The following PPP2R5A variants were observed in gnomAD, a reference collection of about 807,000 sequenced individuals.
PPP2R5A encodes serine/threonine-protein phosphatase 2A 56 kDa regulatory subunit alpha isoform.
In PPP2R5A, 25 loss-of-function variants were observed where a neutral mutation model predicts 64.2. The observed-to-expected ratio is 0.39, with a 90% CI of 0.28 to 0.54. PPP2R5A has a LOEUF of 0.54. Among genes scored for constraint, PPP2R5A ranks in the 20% least tolerant of loss-of-function variants. The pLI is 0.67. For missense variants in PPP2R5A, 425 were observed against 576.3 expected, an observed-to-expected ratio of 0.74 and a Z score of 2.69; for synonymous variants, 198 against 201.2, an observed-to-expected ratio of 0.98 and a Z score of 0.13.
intron 1 of PPP2R5A, among the ~76,000 whole-genome samples, chr1:212,291,928 TAAG>T (rs777018306): frequency 2.0e-5 from 3 of 152,338 alleles, no homozygotes; most frequent in Middle Eastern, 3.4e-3. Flanking sequence ...TTCAGGATAA[TAAG>T]TAATGATTTC....
intron 1 of PPP2R5A, among the ~76,000 whole-genome samples, chr1:212,321,235 A>G (rs1478130351): frequency 3.1e-5 from 4 of 129,274 alleles, no homozygotes; most frequent in Admixed American, 7.4e-5. Context: ...CTGGCCGGGC[A>G]GAGGGGCTCC....
chr1:212,347,290 T>A, intron 5 of PPP2R5A, 57 bp from the exon 6 acceptor site: 1 of 1,250,178 alleles, frequency 8.0e-7, no homozygotes, highest in Non-Finnish European at 1.2e-6. Context: ...CCTGCCTGTT[T>A]CTCTTAGTTT....
chr1:212,352,236 C>T (rs1337792250), intron 8 of PPP2R5A, among the ~76,000 whole-genome samples: 1 of 151,628 alleles, frequency 6.6e-6, no homozygotes, highest in African/African-American at 2.4e-5. Flanking sequence ...ATCATGTTGC[C>T]CAGGCTGGTC....
At chr1:212,341,867 A>G (rs931700880) in intron 3 of PPP2R5A, among the ~76,000 whole-genome samples, 27 of 152,018 alleles carry the variant, frequency 1.8e-4, no homozygotes. Context: ...GCCTCCCAGT[A>G]GCTGGGACAA....
At chr1:212,293,042 C>T (rs918850248) in intron 1 of PPP2R5A, among the ~76,000 whole-genome samples, 1 of 152,160 alleles carries the variant, frequency 6.6e-6, no homozygotes, top group Non-Finnish European at 1.5e-5. Flanking sequence ...AAAACCATGG[C>T]TTCAGGATGC....
At chr1:212,301,812 C>T (rs1175610782) in intron 1 of PPP2R5A, 31 of 1,177,732 alleles carry the variant, frequency 2.6e-5, no homozygotes, top group Non-Finnish European at 3.2e-5. Flanking sequence ...TGCTATGATA[C>T]AGTGCTTGTT....
At chr1:212,360,440 G>C (rs994459772) in intron 12 of PPP2R5A, among the ~76,000 whole-genome samples, 198 bp from the exon 13 acceptor site, 1 of 152,232 alleles carries the variant, frequency 6.6e-6, no homozygotes, top group Non-Finnish European at 1.5e-5. Context: ...AGCTGGTACA[G>C]GAGATGCACA....
At chr1:212,357,309 A>G in intron 11 of PPP2R5A, 25 bp downstream of exon 11, 3 of 1,450,642 alleles carry the variant, frequency 2.1e-6, no homozygotes, top group Non-Finnish European at 2.7e-6. Flanking sequence ...TATAGGTCGT[A>G]TTTTTTTCTT....
At chr1:212,323,181 A>G (rs1407526624) in intron 1 of PPP2R5A, among the ~76,000 whole-genome samples, 2 of 152,204 alleles carry the variant, frequency 1.3e-5, no homozygotes, top group Non-Finnish European at 2.9e-5. Context: ...GTCAGTATAT[A>G]TGTGGTAAAT....
chr1:212,319,621 T>TC (rs1553274862), intron 1 of PPP2R5A: 1 of 132,528 alleles, frequency 7.5e-6, no homozygotes, highest in African/African-American at 2.9e-5. Flanking sequence ...TTCTTTTCTT[T>TC]TTTTTTTTTT....
intron 8 of PPP2R5A, 37 bp from the exon 9 acceptor site, chr1:212,356,589 G>A: frequency 6.3e-7 from 1 of 1,593,606 alleles, no homozygotes; most frequent in Admixed American, 1.8e-5. Context: ...AACTAGCTTT[G>A]TTATTAAATT....
rs1221955101 is a variant in PPP2R5A, at chr1:212,286,286, T to C, written c.176T>C (p.Leu59Pro). ...SQAELHPLPQ[L>P]KDATSNEQQE... is the part of the protein sequence containing the mutation. ...GCAGAGCTGCACCCGCTGCCCCAGCTCAAAGGTAACCTCCGAGGGCGCAGC... is the reference window on the plus strand; with the variant it reads ...GCAGAGCTGCACCCGCTGCCCCAGCCCAAAGGTAACCTCCGAGGGCGCAGC... The change falls in exon 1 of 13, where the codon CTC becomes CCC. Residue 59 changes from leucine to proline, a missense_variant. By Grantham distance (98) the Leu-to-Pro change is moderately conservative. Around this residue, in one of 4 missense-constraint regions of PPP2R5A, gnomAD observed 104 missense variants for 95.7 expected, o/e 1.09. Coordinates refer to ENST00000261461, the MANE Select transcript of PPP2R5A (RefSeq NM_006243.4). 1 of 1,517,626 alleles carries C rather than the reference T, an allele frequency of 6.6e-7. No individual in the cohort carries two copies. Among genetic ancestry groups the C allele is most frequent in the Non-Finnish European group, 8.8e-7 (1 of 1,133,780 alleles). The allele number at this position is 1,517,626 out of a possible 1,614,324, so 94.0% of individuals were successfully genotyped here.
At chr1:212,355,929 G>A (rs1001328789) in intron 8 of PPP2R5A, among the ~76,000 whole-genome samples, 1 of 151,984 alleles carries the variant, frequency 6.6e-6, no homozygotes, top group Non-Finnish European at 1.5e-5. Context: ...GCTGGGTGTG[G>A]TGGTGGGCGC....
At chr1:212,326,232 C>T (rs898655405) in intron 1 of PPP2R5A, among the ~76,000 whole-genome samples, 2 of 148,708 alleles carry the variant, frequency 1.3e-5, no homozygotes, top group African/African-American at 2.5e-5. Context: ...AAAATAGTTG[C>T]AAATTCAATG....
chr1:212,351,957 TTTA>T (rs1344686052), intron 8 of PPP2R5A, among the ~76,000 whole-genome samples: 2 of 142,584 alleles, frequency 1.4e-5, no homozygotes, highest in Non-Finnish European at 3.2e-5. Flanking sequence ...AAATAATTTT[TTTA>T]TTTTTCTTTT....
At chr1:212,319,043 C>G (rs1186379300) in intron 1 of PPP2R5A, among the ~76,000 whole-genome samples, 1 of 152,176 alleles carries the variant, frequency 6.6e-6, no homozygotes, top group Non-Finnish European at 1.5e-5. Context: ...ATACTCATCT[C>G]TTATTTACTC....
chr1:212,325,222 A>G (rs1659385441), intron 1 of PPP2R5A, among the ~76,000 whole-genome samples: 1 of 152,210 alleles, frequency 6.6e-6, no homozygotes, highest in African/African-American at 2.4e-5. Flanking sequence ...GTACTCAAAT[A>G]CGTAATTGAA....
intron 1 of PPP2R5A, among the ~76,000 whole-genome samples, chr1:212,292,755 A>G (rs928685259): frequency 6.6e-6 from 1 of 152,082 alleles, no homozygotes; most frequent in Non-Finnish European, 1.5e-5. Flanking sequence ...TGTACAGACA[A>G]GTTCTCGCTA....
chr1:212,304,268 G>A (rs1661173802), intron 1 of PPP2R5A, among the ~76,000 whole-genome samples: 1 of 152,070 alleles, frequency 6.6e-6, no homozygotes, highest in South Asian at 2.1e-4. Flanking sequence ...AAGAGATGGG[G>A]TCAGCCAGGT....
Sources: gnomAD v4.1 joint callset for allele counts (sites outside exome capture counted in the v4.1 genomes callset) on GRCh38, gnomAD v4.1.1 for gene constraint, gnomAD v4.1.1 regional missense constraint, MANE v1.5 for transcripts, NCBI Gene and HGNC (gene_info 2026-07-23, HGNC 2026-07-21) for gene names.